The following NEK1 variants were observed in gnomAD, a reference collection of about 807,000 sequenced individuals.
The protein encoded by NEK1 is serine/threonine-protein kinase Nek1.
A neutral mutation model predicts 182.1 loss-of-function variants in NEK1; 137 were observed. The ratio of observed to expected loss-of-function variants is 0.75; its 90% CI spans 0.65 to 0.87. The LOEUF is 0.87. Among genes scored for constraint, NEK1 ranks in the 40% least tolerant of loss-of-function variants. NEK1 has a pLI of 0.00. For synonymous variants in NEK1, 513 were observed against 492.2 expected (o/e 1.04, Z -0.56); for missense variants, 1,391 against 1,494.4 (o/e 0.93, Z 1.14).
intron 16 of NEK1, among the ~76,000 whole-genome samples, chr4:169,560,782 A>G (rs1203132349): frequency 6.6e-6 from 1 of 152,132 alleles, no homozygotes; most frequent in Admixed American, 6.5e-5. Context: ...CTTGGAAAAA[A>G]AACTTTTTTT....
chr4:169,419,083 A>T (rs550760729), intron 31 of NEK1, among the ~76,000 whole-genome samples: 86 of 150,362 alleles, frequency 5.7e-4, no homozygotes, highest in African/African-American at 2.0e-3. Context: ...TAGTCCTATA[A>T]AACCTTACTC....
At chr4:169,525,262 A>G (rs1756716442) in intron 19 of NEK1, among the ~76,000 whole-genome samples, 1 of 151,974 alleles carries the variant, frequency 6.6e-6, no homozygotes, top group Admixed American at 6.6e-5. Flanking sequence ...CCAAGTAGCT[A>G]GAATTACAGG....
chr4:169,538,978 A>G (rs1433187428), intron 18 of NEK1, among the ~76,000 whole-genome samples: 1 of 152,190 alleles, frequency 6.6e-6, no homozygotes, highest in Admixed American at 6.5e-5. Context: ...TCCATCACAT[A>G]ACTATGAATG....
At chr4:169,499,122 C>G (rs1751938053) in intron 23 of NEK1, among the ~76,000 whole-genome samples, 1 of 152,108 alleles carries the variant, frequency 6.6e-6, no homozygotes, top group South Asian at 2.1e-4. Flanking sequence ...TCTTTTTTCT[C>G]TAAACTCTTC....
intron 27 of NEK1, among the ~76,000 whole-genome samples, chr4:169,449,857 A>C (rs1741354880): frequency 6.6e-6 from 1 of 152,334 alleles, no homozygotes; most frequent in East Asian, 1.9e-4. Flanking sequence ...AGGCTTCAGA[A>C]GGTCGGTAAT....
intron 26 of NEK1, among the ~76,000 whole-genome samples, chr4:169,468,687 G>A (rs1745370158): frequency 6.6e-6 from 1 of 152,134 alleles, no homozygotes. Context: ...AGTTTCAGAA[G>A]GAATGGTACC....
chr4:169,578,853 T>G (rs1471689969), intron 11 of NEK1, among the ~76,000 whole-genome samples: 1 of 152,070 alleles, frequency 6.6e-6, no homozygotes, highest in East Asian at 1.9e-4. Context: ...AAACACATAC[T>G]CCAACTGCAT....
Position 169,508,804 on chromosome 4 carries a change from A to C in NEK1, c.1714T>G (p.Ser572Ala), listed in dbSNP as rs1357978849. ...TTGTTTCTTGGCTTCCCTCCTCTTGAAGAGCTGGGCCTGCCTCCATACATA... is the reference window on the plus strand; with the variant it reads ...TTGTTTCTTGGCTTCCCTCCTCTTGCAGAGCTGGGCCTGCCTCCATACATA... ...AAMYGGRPSS[S>A]RGGKPRNKEE... The change falls in exon 20 of 36, where the codon TCA (serine) becomes GCA (alanine). Residue 572 changes from serine (S) to alanine (A), a missense_variant. Transcript: ENST00000507142. 1 of 1,590,628 alleles carries C rather than the reference A, an allele frequency of 6.3e-7. No homozygotes were observed. Among genetic ancestry groups the C allele is most frequent in the Non-Finnish European group, 8.5e-7 (1 of 1,176,214 alleles).
At chr4:169,440,937 T>A (rs1330291854) in intron 27 of NEK1, among the ~76,000 whole-genome samples, 1 of 152,158 alleles carries the variant, frequency 6.6e-6, no homozygotes, top group Admixed American at 6.5e-5. Context: ...CCCTACCAGA[T>A]AACAACCTGC....
rs528015932 is a variant in NEK1, at chr4:169,497,355, G to T, written c.2007+9682C>A. Among the ~76,000 whole-genome samples the T allele has an allele frequency of 1.6e-4, 24 of 152,052 alleles. No homozygotes were observed. In the East Asian group the frequency reaches 4.1e-3, roughly 26 times the overall value. On this transcript the variant is annotated intron_variant, in intron 23 of 35. Coordinates refer to ENST00000507142, the MANE Select transcript of NEK1 (RefSeq NM_001199397.3). ...TTTTGTTGATCTTTTCAAAAAACCAGCTCCTAGATTCACTGATTTTTTGGA... is the reference window on the plus strand; with the variant it reads ...TTTTGTTGATCTTTTCAAAAAACCATCTCCTAGATTCACTGATTTTTTGGA...
At chr4:169,532,898 GGAGT>G (rs1395191700) in intron 19 of NEK1, among the ~76,000 whole-genome samples, 1 of 151,886 alleles carries the variant, frequency 6.6e-6, no homozygotes, top group Non-Finnish European at 1.5e-5. Flanking sequence ...CTCCAGTCAG[GGAGT>G]GAGTGAGTCC....
At chr4:169,528,966 A>AT (rs1757287494) in intron 19 of NEK1, among the ~76,000 whole-genome samples, 1 of 152,226 alleles carries the variant, frequency 6.6e-6, no homozygotes, top group African/African-American at 2.4e-5. Flanking sequence ...GACAACAGAG[A>AT]TAATAAGAAA....
chr4:169,495,804 A>G (rs939479796), intron 23 of NEK1, among the ~76,000 whole-genome samples: 2 of 152,146 alleles, frequency 1.3e-5, no homozygotes, highest in Admixed American at 6.5e-5. Context: ...TGGTTACTGT[A>G]GCCTTGTAGT....
At position 169,404,383 on chromosome 4, in the gene NEK1, C is replaced by T. The variant is rs774616584; in HGVS notation, c.3374+2213G>A. Among the ~76,000 whole-genome samples, 8 of 152,150 alleles carry T rather than the reference C, an allele frequency of 5.3e-5. No individual in the cohort carries two copies. The South Asian group carries it at 1.2e-3, about 24-fold the overall frequency. ...AGGCAATCTTTTAAAAATGAAGTTT[C>T]ACCAGAAACTTAAGAAGCAAGGGCA... is the stretch of plus-strand genomic sequence containing the variant. On this transcript the variant is annotated intron_variant, in intron 32 of 35. Transcript: ENST00000507142.
intron 2 of NEK1, among the ~76,000 whole-genome samples, chr4:169,609,060 CAAA>C (rs540854284): frequency 4.8e-5 from 4 of 82,550 alleles, no homozygotes; most frequent in African/African-American, 3.6e-5. Flanking sequence ...GACTCCTTCT[CAAA>C]AAAAAAAAAA....
At position 169,599,200 on chromosome 4, in the gene NEK1, A is replaced by G; in HGVS notation, c.215-3T>C. On this transcript the variant is annotated splice_polypyrimidine_tract_variant and splice_region_variant and intron_variant, in intron 4 of 35. Coordinates refer to ENST00000507142, the MANE Select transcript of NEK1 (RefSeq NM_001199397.3). ...TACTATGTAGAGAGAGCCATTTTCT[A>G]CAAAATATAAACATTACAGTCCACT... The G allele has an allele frequency of 6.3e-7, 1 of 1,595,440 alleles. No individual in the cohort carries two copies. The highest frequency in any genetic ancestry group is 8.6e-7 in the Non-Finnish European group (1 of 1,164,746).
At chr4:169,402,756 A>C (rs1399031768) in intron 32 of NEK1, among the ~76,000 whole-genome samples, 1 of 152,230 alleles carries the variant, frequency 6.6e-6, no homozygotes, top group Non-Finnish European at 1.5e-5. Context: ...CATAGTCAGT[A>C]AATGACAGAG....
At chr4:169,514,717 A>G (rs972090376) in intron 19 of NEK1, among the ~76,000 whole-genome samples, 1 of 152,052 alleles carries the variant, frequency 6.6e-6, no homozygotes, top group African/African-American at 2.4e-5. Flanking sequence ...TTTTTCTGAT[A>G]TTGGTGATTT....
chr4:169,541,875 T>C (rs1425897645), intron 18 of NEK1, among the ~76,000 whole-genome samples: 2 of 152,178 alleles, frequency 1.3e-5, no homozygotes, highest in African/African-American at 2.4e-5. Flanking sequence ...CCCACGATGA[T>C]CCAACCTTTG....
Sources: allele counts gnomAD v4.1 joint callset (sites outside exome capture counted in the v4.1 genomes callset), GRCh38; gene constraint gnomAD v4.1.1; transcripts MANE v1.5; gene names NCBI Gene and HGNC (gene_info 2026-07-23, HGNC 2026-07-21).